The following KCNH8 variants were observed in gnomAD, a reference collection of about 807,000 sequenced individuals.
KCNH8 encodes the protein voltage-gated delayed rectifier potassium channel KCNH8.
A neutral mutation model predicts 103.6 loss-of-function variants in KCNH8; 70 were observed. That is an observed-to-expected ratio of 0.68 (90% CI 0.56 to 0.82). KCNH8 has a LOEUF of 0.82. Ranked by LOEUF, KCNH8 falls within the 40% of genes least tolerant of loss-of-function variation. The probability of loss-of-function intolerance (pLI) is 0.00; values close to 1 mark genes in which losing one functional copy is unlikely to be tolerated. For synonymous variants in KCNH8, 498 were observed against 489.4 expected, an observed-to-expected ratio of 1.02 and a Z score of -0.23; for missense variants, 1,217 against 1,329.9, an observed-to-expected ratio of 0.92 and a Z score of 1.32.
At position 19,534,157 on chromosome 3, in the gene KCNH8, G is replaced by C; in HGVS notation, c.*58G>C. 7.3e-7 allele frequency: 1 copy of C among 1,367,812 alleles called. No individual in the cohort carries two copies. The highest frequency in any genetic ancestry group is 2.4e-5 in the East Asian group (1 of 41,840). 84.7% of individuals were successfully genotyped at this position (1,367,812 alleles called of 1,614,324 possible). A position where few individuals can be genotyped will look rare whatever the true frequency, so the allele number is the denominator to read the frequency against. On this transcript the variant is annotated 3_prime_UTR_variant, in exon 16 of 16. Transcript: ENST00000328405. ...AACCTACCACTGCATGACAGTTTTA[G>C]TTTGCCTTTTTGCCTCTGGTGGGCA...
At chr3:19,345,010 T>C (rs544544576) in intron 4 of KCNH8, among the ~76,000 whole-genome samples, 1 of 152,212 alleles carries the variant, frequency 6.6e-6, no homozygotes, top group African/African-American at 2.4e-5. Flanking sequence ...GGAACAGGAA[T>C]ATATGCTTCA....
intron 10 of KCNH8, among the ~76,000 whole-genome samples, chr3:19,452,432 T>C (rs1203618807): frequency 6.6e-6 from 1 of 152,122 alleles, no homozygotes; most frequent in East Asian, 1.9e-4. Context: ...ACCTAACGTT[T>C]ATTGAGGACT....
At chr3:19,303,706 G>A (rs182785485) in intron 3 of KCNH8, among the ~76,000 whole-genome samples, 1 of 152,214 alleles carries the variant, frequency 6.6e-6, no homozygotes, top group Admixed American at 6.5e-5. Flanking sequence ...ATTGGGTTCT[G>A]ATATAGTCAC....
At chr3:19,473,345 T>G (rs1215458737) in intron 11 of KCNH8, among the ~76,000 whole-genome samples, 2 of 152,220 alleles carry the variant, frequency 1.3e-5, no homozygotes, top group Non-Finnish European at 2.9e-5. Flanking sequence ...AGACATCTGA[T>G]TAACAAGAGG....
At chr3:19,356,968 T>C (rs2125326522) in intron 5 of KCNH8, among the ~76,000 whole-genome samples, 1 of 151,962 alleles carries the variant, frequency 6.6e-6, no homozygotes, top group South Asian at 2.1e-4. Context: ...TATCCATAGG[T>C]TCAACAGTTA....
intron 5 of KCNH8, among the ~76,000 whole-genome samples, chr3:19,386,470 A>G (rs1448914868): frequency 6.6e-6 from 1 of 152,162 alleles, no homozygotes; most frequent in Non-Finnish European, 1.5e-5. Context: ...TACCAATACC[A>G]TGTGCCATAA....
At chr3:19,328,898 ATTTC>A (rs1338479433) in intron 3 of KCNH8, among the ~76,000 whole-genome samples, 1 of 152,144 alleles carries the variant, frequency 6.6e-6, no homozygotes, top group Non-Finnish European at 1.5e-5. Flanking sequence ...TTGCTGGATG[ATTTC>A]TTTATTTATG....
At chr3:19,383,745 T>C (rs1387188097) in intron 5 of KCNH8, among the ~76,000 whole-genome samples, 1 of 152,112 alleles carries the variant, frequency 6.6e-6, no homozygotes, top group Non-Finnish European at 1.5e-5. Flanking sequence ...ATAACCCCCA[T>C]TGTGAATTTT....
At chr3:19,417,127 C>A (rs1575041280) in intron 7 of KCNH8, among the ~76,000 whole-genome samples, 2 of 148,678 alleles carry the variant, frequency 1.3e-5, no homozygotes, top group East Asian at 3.9e-4. Context: ...AATTTCACTT[C>A]CAAATATTAT....
chr3:19,376,414 C>G (rs572677531), intron 5 of KCNH8, among the ~76,000 whole-genome samples: 5 of 152,326 alleles, frequency 3.3e-5, no homozygotes, highest in East Asian at 1.9e-4. Flanking sequence ...CTCCCTGACC[C>G]CTTGCGCTTC....
chr3:19,429,409 C>T (rs1483267018), intron 7 of KCNH8, among the ~76,000 whole-genome samples: 1 of 152,064 alleles, frequency 6.6e-6, no homozygotes, highest in African/African-American at 2.4e-5. Context: ...CTCCTGACCT[C>T]GTGATCCGCC....
intron 3 of KCNH8, among the ~76,000 whole-genome samples, chr3:19,328,256 T>C (rs1010588264): frequency 3.3e-5 from 5 of 152,330 alleles, no homozygotes; most frequent in South Asian, 2.1e-4. Context: ...GCTCATACTT[T>C]CCTTTTGCCA....
intron 5 of KCNH8, among the ~76,000 whole-genome samples, chr3:19,386,122 G>T (rs1342054798): frequency 6.6e-6 from 1 of 151,980 alleles, no homozygotes; most frequent in East Asian, 1.9e-4. Flanking sequence ...TAGAAAAAAT[G>T]GATTTAACCT....
chr3:19,514,518 A>G (rs1376157858), intron 13 of KCNH8, among the ~76,000 whole-genome samples: 6 of 151,900 alleles, frequency 3.9e-5, no homozygotes, highest in Non-Finnish European at 8.8e-5. Flanking sequence ...AGAAAATAAT[A>G]TTTTGAGGAC....
intron 11 of KCNH8, among the ~76,000 whole-genome samples, chr3:19,461,033 T>C (rs1340689493): frequency 6.6e-6 from 1 of 152,208 alleles, no homozygotes; most frequent in Non-Finnish European, 1.5e-5. Context: ...GTCTCAGGTA[T>C]GTTTTTATTA....
intron 1 of KCNH8, among the ~76,000 whole-genome samples, chr3:19,217,844 C>T (rs1027777693): frequency 2.0e-5 from 3 of 152,170 alleles, no homozygotes; most frequent in Non-Finnish European, 4.4e-5. Context: ...TCTGAGTTAA[C>T]TTAGACTTAC....
intron 1 of KCNH8, among the ~76,000 whole-genome samples, chr3:19,166,571 GA>G (rs989223971): frequency 4.3e-4 from 65 of 150,968 alleles, no homozygotes; most frequent in African/African-American, 1.0e-3. Flanking sequence ...TGTAAAATAT[GA>G]AAAAAAAACT....
At chr3:19,488,712 C>T (rs1162985670) in intron 11 of KCNH8, among the ~76,000 whole-genome samples, 1 of 152,104 alleles carries the variant, frequency 6.6e-6, no homozygotes, top group African/African-American at 2.4e-5. Flanking sequence ...TCTGGTCCCT[C>T]GTTCAGGTCC....
intron 5 of KCNH8, among the ~76,000 whole-genome samples, chr3:19,375,037 C>G (rs1486926184): frequency 6.6e-6 from 1 of 151,704 alleles, no homozygotes; most frequent in Admixed American, 6.6e-5. Flanking sequence ...CTGCCCTTAA[C>G]ATTTTTTCCT....
Sources: allele counts gnomAD v4.1 joint callset (sites outside exome capture counted in the v4.1 genomes callset), GRCh38; gene constraint gnomAD v4.1.1; transcripts MANE v1.5; gene names NCBI Gene and HGNC (gene_info 2026-07-23, HGNC 2026-07-21).